Variants in ESR1 observed in about 807,000 individuals in gnomAD.
ESR1 encodes the protein estrogen receptor.
Under a neutral mutation model 52.7 loss-of-function variants are expected in ESR1, and 12 were observed. That is an observed-to-expected ratio of 0.23 (90% confidence interval 0.15 to 0.37). The LOEUF (loss-of-function observed/expected upper bound fraction) is 0.37, where lower values mean the gene tolerates loss of function less well. Ranked by LOEUF, ESR1 falls within the 10% of genes least tolerant of loss-of-function variation. ESR1 has a pLI of 1.00. For synonymous variants in ESR1, 305 were observed against 316.8 expected (o/e 0.96, Z 0.39); for missense variants, 584 against 779.7 (o/e 0.75, Z 2.99).
intron 3 of ESR1, among the ~76,000 whole-genome samples, chr6:151,898,805 A>G (rs1224760427): frequency 6.6e-6 from 1 of 152,148 alleles, no homozygotes; most frequent in Non-Finnish European, 1.5e-5. Flanking sequence ...ACCTCTTTCT[A>G]CACAGACACG....
rs140999314 is a variant in ESR1, at chr6:151,981,481, C to T, written c.1097-30175C>T. Among the ~76,000 whole-genome samples, 13 of 152,254 alleles carry T rather than the reference C, an allele frequency of 8.5e-5. No individual in the cohort carries two copies. The East Asian group carries it at 1.7e-3, about 20-fold the overall frequency. On this transcript the variant is annotated intron_variant, in intron 4 of 7. Coordinates refer to ENST00000206249, the MANE Select transcript of ESR1 (RefSeq NM_000125.4). ...AAGAAAATAGTATTATGGAAACTTT[C>T]GACCCAAGGGAAATATCAAGGCTAA... is the stretch of plus-strand genomic sequence containing the variant.
chr6:152,063,578 GCAAT>G (rs1329840759), intron 6 of ESR1, among the ~76,000 whole-genome samples: 2 of 152,150 alleles, frequency 1.3e-5, no homozygotes, highest in Non-Finnish European at 2.9e-5. Context: ...GAATAAAAAA[GCAAT>G]CAGTCATATG....
intron 4 of ESR1, among the ~76,000 whole-genome samples, chr6:151,996,001 C>T (rs190341997): frequency 1.7e-3 from 260 of 152,268 alleles, no homozygotes; most frequent in Admixed American, 3.9e-3. Context: ...ACCCAAGGCC[C>T]TGCTGGGTTC....
intron 2 of ESR1, among the ~76,000 whole-genome samples, chr6:151,854,266 C>T (rs1213574458): frequency 6.6e-6 from 1 of 152,142 alleles, no homozygotes; most frequent in Admixed American, 6.5e-5. Context: ...ATAAGTCTAA[C>T]ATTTACTTTG....
chr6:151,854,220 G>C (rs1787420251), intron 2 of ESR1, among the ~76,000 whole-genome samples: 1 of 152,080 alleles, frequency 6.6e-6, no homozygotes, highest in Admixed American at 6.6e-5. Context: ...TGGCTATTTG[G>C]CTGAAAAATA....
intron 1 of ESR1, among the ~76,000 whole-genome samples, chr6:151,819,227 C>T (rs1271137324): frequency 9.2e-5 from 14 of 152,172 alleles, no homozygotes; most frequent in Non-Finnish European, 1.9e-4. Context: ...CACCTTTTCC[C>T]GGTACCTTTA....
Position 152,101,761 on chromosome 6 carries a change from G to T in ESR1, c.*2795G>T. ...GTGGGGAAGTGGATTCAGGAATCTG[G>T]GGAATGGCAAATATATTAAGAAGAG... On this transcript the variant is annotated 3_prime_UTR_variant, in exon 8 of 8. Transcript: ENST00000206249. 4.3e-6 allele frequency: 1 copy of T among 230,394 alleles called. No individual in the cohort carries two copies. The highest frequency in any genetic ancestry group is 8.6e-6 in the Non-Finnish European group (1 of 116,290). The allele number at this position is 230,394 out of a possible 1,614,324, so 14.3% of individuals were successfully genotyped here.
At chr6:152,074,616 G>A (rs1262497706) in intron 6 of ESR1, among the ~76,000 whole-genome samples, 1 of 152,172 alleles carries the variant, frequency 6.6e-6, no homozygotes, top group Non-Finnish European at 1.5e-5. Flanking sequence ...ACACTCAGGA[G>A]CACAATTGCT....
chr6:152,075,113 T>C (rs2048634319), intron 6 of ESR1, among the ~76,000 whole-genome samples: 5 of 152,312 alleles, frequency 3.3e-5, no homozygotes, highest in South Asian at 2.1e-4. Context: ...GAAGAAGCCA[T>C]GGGGTCACCA....
intron 2 of ESR1, among the ~76,000 whole-genome samples, chr6:151,867,414 T>TACACACACAC (rs34943625): frequency 0.036 from 5,368 of 147,468 alleles, 284 homozygotes; most frequent in African/African-American, 0.11. Flanking sequence ...TCAACAAATT[T>TACACACACAC]ACACACACAC....
rs367690592 is a variant in ESR1, at chr6:151,999,944, C to G, written c.1097-11712C>G. On this transcript the variant is annotated intron_variant, in intron 4 of 7. Transcript: ENST00000206249. ...TGGAATAAAAATATTTAAGAACTCTCTTATGTGTGTGTTTCAACCTATAAA... is the reference window on the plus strand; with the variant it reads ...TGGAATAAAAATATTTAAGAACTCTGTTATGTGTGTGTTTCAACCTATAAA... Among the ~76,000 whole-genome samples, 7 of 152,178 alleles carry G rather than the reference C, an allele frequency of 4.6e-5. No homozygotes were observed. The East Asian group carries it at 7.8e-4, about 17-fold the overall frequency.
chr6:152,110,687 T>G (rs2051122090), intron 6 of ESR1, among the ~76,000 whole-genome samples: 1 of 152,290 alleles, frequency 6.6e-6, no homozygotes, highest in African/African-American at 2.4e-5. Flanking sequence ...AATAAAAGTT[T>G]TTTTCAAAAA....
At chr6:151,950,161 CACAATGGA>C (rs1455450607) in intron 4 of ESR1, among the ~76,000 whole-genome samples, 1 of 152,214 alleles carries the variant, frequency 6.6e-6, no homozygotes, top group Admixed American at 6.5e-5. Context: ...CCTCCCCAGC[CACAATGGA>C]ACTGTAAGTC....
intron 2 of ESR1, among the ~76,000 whole-genome samples, chr6:151,876,620 G>C (rs1791864487): frequency 2.0e-5 from 3 of 152,130 alleles, no homozygotes; most frequent in African/African-American, 7.2e-5. Flanking sequence ...AAGAACAAGG[G>C]AAGCTTGGGG....
intron 5 of ESR1, among the ~76,000 whole-genome samples, chr6:152,037,859 T>C (rs2045445047): frequency 6.6e-6 from 1 of 152,214 alleles, no homozygotes; most frequent in Non-Finnish European, 1.5e-5. Flanking sequence ...ACCATTAATA[T>C]TTATTGTTGA....
intron 6 of ESR1, chr6:152,125,213 G>C: frequency 6.5e-7 from 1 of 1,531,278 alleles, no homozygotes; most frequent in South Asian, 1.2e-5. Flanking sequence ...ATGTTTTGCT[G>C]GTTGGTGATA....
chr6:151,915,583 T>C (rs2029899002), intron 3 of ESR1, among the ~76,000 whole-genome samples: 1 of 152,204 alleles, frequency 6.6e-6, no homozygotes, highest in South Asian at 2.1e-4. Context: ...TAATTATCTT[T>C]ACAAAGTACT....
chr6:151,897,358 G>A (rs576867570), intron 3 of ESR1, among the ~76,000 whole-genome samples: 1 of 152,278 alleles, frequency 6.6e-6, no homozygotes, highest in East Asian at 1.9e-4. Flanking sequence ...ACATTTGGGA[G>A]TTCCAGTGTT....
chr6:151,712,958 A>T (rs1374051343), intron 2 of ESR1, among the ~76,000 whole-genome samples: 1 of 152,108 alleles, frequency 6.6e-6, no homozygotes, highest in Non-Finnish European at 1.5e-5. Flanking sequence ...CATTCAGTAT[A>T]GTATTAGCTG....
Sources: gnomAD v4.1 joint callset for allele counts (sites outside exome capture counted in the v4.1 genomes callset) on GRCh38, gnomAD v4.1.1 for gene constraint, MANE v1.5 for transcripts, NCBI Gene and HGNC (gene_info 2026-07-23, HGNC 2026-07-21) for gene names.